The following ESAM variants were observed in gnomAD, a reference collection of about 807,000 sequenced individuals.
ESAM encodes endothelial cell-selective adhesion molecule.
Under a neutral mutation model 31.8 loss-of-function variants are expected in ESAM, and 23 were observed. The observed-to-expected ratio is 0.72, with a 90% CI of 0.52 to 1.03. The LOEUF (loss-of-function observed/expected upper bound fraction) is 1.03, where lower values mean the gene tolerates loss of function less well. Among genes scored for constraint, ESAM ranks in the 50% least tolerant of loss-of-function variants. The probability of loss-of-function intolerance (pLI) is 0.00; values close to 1 mark genes in which losing one functional copy is unlikely to be tolerated. For synonymous variants in ESAM, 216 were observed against 207.2 expected (o/e 1.04, Z -0.37); for missense variants, 478 against 488.9 (o/e 0.98, Z 0.21).
rs901499159 is a variant in ESAM, at chr11:124,759,979, C to T, written c.71-1452G>A. 1.3e-5 allele frequency among the ~76,000 whole-genome samples: 2 copies of T among 152,228 alleles called. No individual in the cohort carries two copies. Among genetic ancestry groups the T allele is most frequent in the South Asian group, 4.1e-4 (2 of 4,830 alleles). On this transcript the variant is annotated intron_variant, in intron 1 of 6. Transcript: ENST00000278927. The surrounding 1 kb of genome is among the most constrained non-coding windows in gnomAD (Gnocchi z 6.8). ...CAGCCTTTCTACGACACACACCCGGCGGCCAGAAAGGGTTTCCGCCGGGAA... is the reference window on the plus strand; with the variant it reads ...CAGCCTTTCTACGACACACACCCGGTGGCCAGAAAGGGTTTCCGCCGGGAA...
At chr11:124,761,941 G>A (rs1266798269) in intron 1 of ESAM, 144 bp downstream of exon 1, 1 of 741,318 alleles carries the variant, frequency 1.3e-6, no homozygotes, top group African/African-American at 1.8e-5. Context: ...GCCAGCCAGT[G>A]ATGCCCTGGA....
At chr11:124,761,032 T>TG (rs1944223419) in intron 1 of ESAM, among the ~76,000 whole-genome samples, 2 of 152,146 alleles carry the variant, frequency 1.3e-5, no homozygotes, top group Admixed American at 1.3e-4. Context: ...CCGACACCTG[T>TG]GGGGCACAGA....
chr11:124,754,889 T>A lies in ESAM; in HGVS notation c.608-126A>T. On this transcript the variant is annotated intron_variant, in intron 4 of 6. Coordinates refer to ENST00000278927, the MANE Select transcript of ESAM (RefSeq NM_138961.3). The surrounding 1 kb of genome is among the most constrained non-coding windows in gnomAD (Gnocchi z 4.5). ...GAGTCACGGCTTGTCTATTCCCTGA[T>A]GGGGGGAGAGGTGTGACAGCTGGGC... is the stretch of plus-strand genomic sequence containing the variant. The A allele has an allele frequency of 2.3e-6, 3 of 1,284,368 alleles. No individual in the cohort carries two copies. The Middle Eastern group carries it at 6.1e-4, about 262-fold the overall frequency. 79.6% of individuals were successfully genotyped at this position (1,284,368 alleles called of 1,614,324 possible).
Position 124,758,272 on chromosome 11 carries a change from C to A in ESAM, c.249+77G>T, listed in dbSNP as rs547781736. On this transcript the variant is annotated intron_variant, in intron 2 of 6. Transcript: ENST00000278927. ...CGGCCCCCATTCCCTCTCCACCCCT[C>A]CCACCGCTACCAGCTCTTTGCTTAC... is the stretch of plus-strand genomic sequence containing the variant. 7.0e-6 allele frequency: 11 copies of A among 1,571,736 alleles called. No homozygotes were observed. In the South Asian group the frequency reaches 1.0e-4, roughly 14 times the overall value.
chr11:124,760,973 G>T (rs1413085878), intron 1 of ESAM, among the ~76,000 whole-genome samples: 1 of 152,178 alleles, frequency 6.6e-6, no homozygotes, highest in Non-Finnish European at 1.5e-5. Flanking sequence ...GTGGCCTGGG[G>T]GGCTGTACTT....
In ESAM at chr11:124,754,051, C is replaced by G. The variant is rs1565441158; in HGVS notation, c.858-90G>C. ...TGCTTGGTCTTATATACCACCTCTG[C>G]CTGCACACTTCAGTACTCCTTTCCC... On this transcript the variant is annotated intron_variant, in intron 6 of 6. Transcript: ENST00000278927. This position sits in a 1 kb window ranked among gnomAD's most constrained non-coding sequence, Gnocchi z 4.5. 1 of 1,560,860 alleles carries G rather than the reference C, an allele frequency of 6.4e-7. No homozygotes were observed.
chr11:124,758,314 A>C, intron 2 of ESAM, 35 bp downstream of exon 2: 1 of 1,613,244 alleles, frequency 6.2e-7, no homozygotes, highest in Non-Finnish European at 8.5e-7. Context: ...CTCTGGGCGC[A>C]ACTTGCCGCT....
chr11:124,760,353 C>A (rs1944212855), intron 1 of ESAM, among the ~76,000 whole-genome samples: 1 of 152,242 alleles, frequency 6.6e-6, no homozygotes, highest in Non-Finnish European at 1.5e-5. Context: ...AAGAAAGGGA[C>A]CCTTCCGGCC....
intron 2 of ESAM, 107 bp from the exon 3 acceptor site, chr11:124,756,849 A>G (rs1319276533): frequency 2.6e-6 from 3 of 1,176,088 alleles, no homozygotes; most frequent in East Asian, 2.5e-5. Flanking sequence ...TGCCCCTCAC[A>G]TGCACCCATT....
At position 124,759,372 on chromosome 11, in the gene ESAM, C is replaced by G. The variant is rs1184321653; in HGVS notation, c.71-845G>C. 2 of 152,676 alleles carry G rather than the reference C, an allele frequency of 1.3e-5. No homozygotes were observed. The highest frequency in any genetic ancestry group is 4.8e-5 in the African/African-American group (2 of 41,594). 9.5% of individuals were successfully genotyped at this position (152,676 alleles called of 1,614,324 possible). The stretch of plus-strand genomic sequence containing the variant: ...GTTTGCACCACGGCGTCCAGAAATA[C>G]TCATCCTTTGCCCTTCGGGGAGGCA... On this transcript the variant is annotated intron_variant, in intron 1 of 6. Transcript: ENST00000278927. This position sits in a 1 kb window ranked among gnomAD's most constrained non-coding sequence, Gnocchi z 6.8.
chr11:124,760,777 T>C (rs1026817888), intron 1 of ESAM, among the ~76,000 whole-genome samples: 5 of 152,198 alleles, frequency 3.3e-5, no homozygotes, highest in African/African-American at 4.8e-5. Context: ...CAACTTGAAC[T>C]GTCCTCCCTG....
rs746019317 is a variant in ESAM, at chr11:124,758,442, C to T, written c.156G>A (p.Ala52=). The part of the protein sequence containing the change: ...AVEGGEVVLP[A]WYTLHGEVSS... Reference sequence around the variant, plus strand: ...ACACCTCCCCGTGCAAGGTGTACCACGCTGGAAGCACCACTTCCCCTCCCT... The same window carrying T: ...ACACCTCCCCGTGCAAGGTGTACCATGCTGGAAGCACCACTTCCCCTCCCT... Residue 52 remains alanine, a synonymous_variant, in exon 2 of 7, where the codon GCG becomes GCA. Transcript: ENST00000278927. 1 of 1,614,030 alleles carries T rather than the reference C, an allele frequency of 6.2e-7. No individual in the cohort carries two copies. Among genetic ancestry groups the T allele is most frequent in the Non-Finnish European group, 8.5e-7 (1 of 1,179,966 alleles).
chr11:124,758,964 G>C (rs1022706896), intron 1 of ESAM, among the ~76,000 whole-genome samples: 1 of 152,168 alleles, frequency 6.6e-6, no homozygotes, highest in African/African-American at 2.4e-5. Context: ...GGGCCGCCAG[G>C]GTCCCTCACT....
intron 1 of ESAM, among the ~76,000 whole-genome samples, chr11:124,760,399 C>G (rs1306226406): frequency 6.6e-6 from 1 of 152,252 alleles, no homozygotes; most frequent in Non-Finnish European, 1.5e-5. Context: ...AGGGAGCCGG[C>G]AGGGGCCGAA....
At position 124,757,693 on chromosome 11, in the gene ESAM, CTTT is replaced by C. The variant is rs5795429; in HGVS notation, c.249+653_249+655del. Among the ~76,000 whole-genome samples the C allele has an allele frequency of 2.3e-3, 282 of 124,976 alleles. 3 individuals carry two copies. Among genetic ancestry groups the C allele is most frequent in the African/African-American group, 8.3e-3 (262 of 31,434 alleles). The allele number at this position is 124,976 out of a possible 152,430, so 82.0% of individuals were successfully genotyped here. ...GAATGTGAAAACAGAAATATGCTAA[CTTT>C]TTTTTTTTTTTTTTTTTTTGAGACA... is the stretch of plus-strand genomic sequence containing the variant. On this transcript the variant is annotated intron_variant, in intron 2 of 6. Coordinates refer to ENST00000278927, the MANE Select transcript of ESAM (RefSeq NM_138961.3).
In ESAM at chr11:124,754,567, C is replaced by G. The variant is rs542679502; in HGVS notation, c.730+74G>C. 4.5e-6 allele frequency: 7 copies of G among 1,556,948 alleles called. No homozygotes were observed. The South Asian group carries it at 8.6e-5, about 19-fold the overall frequency. On this transcript the variant is annotated intron_variant, in intron 5 of 6. Coordinates refer to ENST00000278927, the MANE Select transcript of ESAM (RefSeq NM_138961.3). This position sits in a 1 kb window ranked among gnomAD's most constrained non-coding sequence, Gnocchi z 4.5. ...TGCTACAGAGACAGGCCTCAGCAGA[C>G]AGGCCTCCTCCCCACTTGCAACCCC...
At chr11:124,758,957 C>A (rs1301280340) in intron 1 of ESAM, among the ~76,000 whole-genome samples, 1 of 152,158 alleles carries the variant, frequency 6.6e-6, no homozygotes, top group Non-Finnish European at 1.5e-5. Flanking sequence ...CTGCTCCGGG[C>A]CGCCAGGGTC....
intron 4 of ESAM, among the ~76,000 whole-genome samples, chr11:124,755,114 A>G (rs1478699364): frequency 6.6e-6 from 1 of 152,228 alleles, no homozygotes; most frequent in African/African-American, 2.4e-5. Context: ...CGTGGGTTCC[A>G]GAACAGGCCA....
chr11:124,754,299 G>C lies in ESAM; in HGVS notation c.772C>G (p.Leu258Val), dbSNP rs749927290. 6.2e-7 allele frequency: 1 copy of C among 1,614,084 alleles called. No individual in the cohort carries two copies. The highest frequency in any genetic ancestry group is 1.7e-5 in the Admixed American group (1 of 60,022). The stretch of plus-strand genomic sequence containing the variant: ...CCAGCCAGCAACCCCAGTCCAACCA[G>C]GGTACCCACAACAGCTCCAGCAACC... ...AVVAGAVVGTLVGLGLLAGLV... is the reference protein window; with the variant it reads ...AVVAGAVVGTVVGLGLLAGLV... The change falls in exon 6 of 7, where the codon CTG becomes GTG. Residue 258 changes from leucine to valine, a missense_variant. By Grantham distance (32) the Leu-to-Val change is conservative. Coordinates refer to ENST00000278927, the MANE Select transcript of ESAM (RefSeq NM_138961.3). The surrounding 1 kb of genome is among the most constrained non-coding windows in gnomAD (Gnocchi z 4.5).
Sources: gnomAD v4.1 joint callset for allele counts (sites outside exome capture counted in the v4.1 genomes callset) on GRCh38, gnomAD v4.1.1 for gene constraint, Gnocchi (gnomAD v3.1) non-coding constraint, MANE v1.5 for transcripts, NCBI Gene and HGNC (gene_info 2026-07-23, HGNC 2026-07-21) for gene names.